PPP1R13L: variants seen among roughly 807,000 people sequenced by gnomAD.
The protein encoded by PPP1R13L is protein phosphatase 1 regulatory subunit 13 like, also known as relA-associated inhibitor.
Under a neutral mutation model 80.9 loss-of-function variants are expected in PPP1R13L, and 50 were observed. The observed-to-expected ratio is 0.62, with a 90% confidence interval of 0.49 to 0.78. The LOEUF (loss-of-function observed/expected upper bound fraction) is 0.78. Among genes scored for constraint, PPP1R13L ranks in the 30% least tolerant of loss-of-function variants. PPP1R13L has a pLI of 0.00. For synonymous variants in PPP1R13L, 602 were observed against 534.3 expected (o/e 1.13, Z -1.75); for missense variants, 1,200 against 1,205.9 (o/e 1.00, Z 0.07).
intron 2 of PPP1R13L, 46 bp downstream of exon 2, chr19:45,398,218 T>A (rs778014287): frequency 6.2e-7 from 1 of 1,613,164 alleles, no homozygotes; most frequent in South Asian, 1.1e-5. Context: ...CCTCGCCCGC[T>A]GCCGAGGTCC....
Position 45,396,034 on chromosome 19 carries a change from A to G in PPP1R13L, c.903+134T>C. On this transcript the variant is annotated intron_variant, in intron 6 of 12. Coordinates refer to ENST00000360957, the MANE Select transcript of PPP1R13L (RefSeq NM_006663.4). The surrounding 1 kb of genome is among the most constrained non-coding windows in gnomAD (Gnocchi z 5.3). ...TGAGGAAGGAGCAGAAACCCAGCAC[A>G]GTGAAGGGAGAGCGTGGGAACGGGC... 7.8e-7 allele frequency: 1 copy of G among 1,286,104 alleles called. No individual in the cohort carries two copies. Among genetic ancestry groups the G allele is most frequent in the South Asian group, 1.4e-5 (1 of 71,690 alleles). 79.7% of individuals were successfully genotyped at this position (1,286,104 alleles called of 1,614,324 possible). A position where few individuals can be genotyped will look rare whatever the true frequency, so the allele number is the denominator to read the frequency against.
In PPP1R13L at chr19:45,392,250, C is replaced by A; in HGVS notation, c.1445G>T (p.Gly482Val). ...PVLEAGDVDE[G>V]PVARPLSPTR... ...GGGGCTGAGAGGCCTTGCTACAGGG[C>A]CTTCATCCACATCGCCAGCCTCCAG... is the stretch of plus-strand genomic sequence containing the variant. Residue 482 changes from glycine (G) to valine (V), a missense_variant, in exon 8 of 13, where the codon GGC becomes GTC. Physicochemically the swap from Gly to Val is moderately radical, Grantham distance 109 (BLOSUM62 -3). Around this residue, in one of 5 missense-constraint regions of PPP1R13L, gnomAD observed 764 missense variants for 714.5 expected, o/e 1.07. Coordinates refer to ENST00000360957, the MANE Select transcript of PPP1R13L (RefSeq NM_006663.4). 6.2e-7 allele frequency: 1 copy of A among 1,613,232 alleles called. No homozygotes were observed. The highest frequency in any genetic ancestry group is 8.5e-7 in the Non-Finnish European group (1 of 1,179,900).
At chr19:45,381,282 G>T (rs1017871643) in intron 12 of PPP1R13L, among the ~76,000 whole-genome samples, 3 of 150,966 alleles carry the variant, frequency 2.0e-5, no homozygotes, top group African/African-American at 7.3e-5. Context: ...GGCTGGTCTA[G>T]AACTCCTGAC....
At chr19:45,395,347 T>G in intron 7 of PPP1R13L, 89 bp downstream of exon 7, 48 of 1,513,276 alleles carry the variant, frequency 3.2e-5, no homozygotes, top group Non-Finnish European at 4.0e-5. Context: ...CATTTGGCTG[T>G]GATCTCCCCA....
chr19:45,403,985 C>T (rs1371102311), intron 1 of PPP1R13L, among the ~76,000 whole-genome samples: 4 of 152,050 alleles, frequency 2.6e-5, no homozygotes, highest in Non-Finnish European at 5.9e-5. Flanking sequence ...GACAGATGGG[C>T]GTGGAGGTGA....
At chr19:45,397,332 T>C (rs926828720) in intron 3 of PPP1R13L, among the ~76,000 whole-genome samples, 2 of 152,028 alleles carry the variant, frequency 1.3e-5, no homozygotes, top group African/African-American at 4.8e-5. Context: ...CCACTTCCAC[T>C]GGTCCCCTCT....
intron 8 of PPP1R13L, among the ~76,000 whole-genome samples, chr19:45,386,508 C>T (rs1817450185): frequency 6.6e-6 from 1 of 152,126 alleles, no homozygotes; most frequent in African/African-American, 2.4e-5. Flanking sequence ...CACAGTCTCA[C>T]ATTTCTTTTG....
At chr19:45,381,340 G>A (rs1972759854) in intron 12 of PPP1R13L, among the ~76,000 whole-genome samples, 1 of 151,776 alleles carries the variant, frequency 6.6e-6, no homozygotes, top group African/African-American at 2.4e-5. Context: ...GGGATTACAG[G>A]TGTGAGCCAC....
At chr19:45,381,865 G>A (rs777094525) in intron 12 of PPP1R13L, among the ~76,000 whole-genome samples, 7 of 151,802 alleles carry the variant, frequency 4.6e-5, no homozygotes, top group East Asian at 3.9e-4. Flanking sequence ...ACTTGAGCCC[G>A]GGAGGCAGAG....
intron 12 of PPP1R13L, among the ~76,000 whole-genome samples, chr19:45,382,072 C>T (rs1424863736): frequency 1.3e-5 from 2 of 151,516 alleles, no homozygotes; most frequent in South Asian, 4.2e-4. Flanking sequence ...GAAACCCCGT[C>T]TCTACTAAAA....
Position 45,396,740 on chromosome 19 carries a change from T to TG in PPP1R13L, c.516dup (p.Thr173HisfsTer82), listed in dbSNP as rs1568560796. The TG allele has an allele frequency of 7.3e-7, 1 of 1,371,556 alleles. No homozygotes were observed. The highest frequency in any genetic ancestry group is 9.3e-7 in the Non-Finnish European group (1 of 1,072,084). 85.0% of individuals were successfully genotyped at this position (1,371,556 alleles called of 1,614,324 possible). On this transcript the variant is annotated frameshift_variant, in exon 4 of 13. Transcript: ENST00000360957. LOFTEE classifies it high-confidence loss of function. This position sits in a 1 kb window ranked among gnomAD's most constrained non-coding sequence, Gnocchi z 5.3. ...GCGCGGCCCAGGAAGTCGAAAGGCGTGGGGGGACCCTGCTGGCGGAGCGGG... is the reference window on the plus strand; with the variant it reads ...GCGCGGCCCAGGAAGTCGAAAGGCGTGGGGGGGACCCTGCTGGCGGAGCGGG...
intron 11 of PPP1R13L, among the ~76,000 whole-genome samples, chr19:45,384,689 T>A (rs1972832981): frequency 2.6e-5 from 4 of 151,734 alleles, no homozygotes; most frequent in Non-Finnish European, 5.9e-5. Flanking sequence ...CCTTCTGTAC[T>A]AAAAATACAA....
intron 8 of PPP1R13L, among the ~76,000 whole-genome samples, chr19:45,390,769 A>G (rs1450665423): frequency 1.3e-5 from 2 of 152,076 alleles, no homozygotes; most frequent in Non-Finnish European, 2.9e-5. Context: ...TTTTTTTAGT[A>G]GACAGGGGGT....
chr19:45,401,270 G>C (rs1285755741), intron 1 of PPP1R13L, among the ~76,000 whole-genome samples: 3 of 151,036 alleles, frequency 2.0e-5, no homozygotes, highest in Non-Finnish European at 4.4e-5. Context: ...CAGGAGAATG[G>C]TGTGAACCAG....
intron 1 of PPP1R13L, 112 bp downstream of exon 1, chr19:45,404,887 G>T: frequency 3.6e-6 from 2 of 561,698 alleles, no homozygotes; most frequent in South Asian, 7.8e-5. Context: ...AGGTGTCGGC[G>T]CGCCCCAAAT....
chr19:45,396,770 G>GC lies in PPP1R13L; in HGVS notation c.486dup (p.Pro163AlafsTer92). ...GGACCCTGCTGGCGGAGCGGGCCTG[G>GC]CCCGGGCCGCGGGGAGGGCGCACGG... On this transcript the variant is annotated frameshift_variant, in exon 4 of 13. Coordinates refer to ENST00000360957, the MANE Select transcript of PPP1R13L (RefSeq NM_006663.4). LOFTEE classifies it high-confidence loss of function. The surrounding 1 kb of genome is among the most constrained non-coding windows in gnomAD (Gnocchi z 5.3). 2 of 1,356,618 alleles carry GC rather than the reference G, an allele frequency of 1.5e-6. No homozygotes were observed. Among genetic ancestry groups the GC allele is most frequent in the Non-Finnish European group, 1.9e-6 (2 of 1,065,268 alleles). The allele number at this position is 1,356,618 out of a possible 1,614,324, so 84.0% of individuals were successfully genotyped here.
chr19:45,392,038 G>A lies in PPP1R13L; in HGVS notation c.1657C>T (p.Arg553Cys), dbSNP rs750806921. ...CCCCCGGGCCCTGGCCCCCCATGAC[G>A]ATGGAAGAGGCGGCTGATGATCTGC... The part of the protein sequence containing the change: ...YQQIISRLFH[R>C]HGGPGPGGPE... The change falls in exon 8 of 13, where the codon CGT becomes TGT. Residue 553 changes from arginine to cysteine, a missense_variant. By Grantham distance (180) the Arg-to-Cys change is radical. Transcript: ENST00000360957. 5 of 1,543,156 alleles carry A rather than the reference G, an allele frequency of 3.2e-6. No homozygotes were observed. The highest frequency in any genetic ancestry group is 1.8e-4 in the Middle Eastern group (1 of 5,678).
chr19:45,386,278 T>G, intron 8 of PPP1R13L, 98 bp from the exon 9 acceptor site: 1 of 1,376,372 alleles, frequency 7.3e-7, no homozygotes, highest in Admixed American at 3.3e-5. Flanking sequence ...GTGGCACCCA[T>G]CTAGACAGGG....
rs1279945435 is a variant in PPP1R13L, at chr19:45,386,146, G to T, written c.1850C>A (p.Pro617Gln). Residue 617 changes from proline to glutamine, a missense_variant, in exon 9 of 13, where the codon CCG becomes CAG. Coordinates refer to ENST00000360957, the MANE Select transcript of PPP1R13L (RefSeq NM_006663.4). ...MRSVLRKAGS[P>Q]RKARRARLNP... ...GAGGCGCGCGCGGCGGGCCTTGCGC[G>T]GGGAGCCCGCCTTCCGCAGCACAGA... 1.9e-6 allele frequency: 3 copies of T among 1,540,586 alleles called. 1 individual carries two copies. In the South Asian group the frequency reaches 3.7e-5, roughly 19 times the overall value.
Sources: allele counts gnomAD v4.1 joint callset (sites outside exome capture counted in the v4.1 genomes callset), GRCh38; gene constraint gnomAD v4.1.1; regional missense constraint gnomAD v4.1.1; non-coding constraint Gnocchi (gnomAD v3.1); transcripts MANE v1.5; gene names NCBI Gene and HGNC (gene_info 2026-07-23, HGNC 2026-07-21).